Variants in PDE8A observed in about 807,000 individuals in gnomAD.
PDE8A encodes the protein high affinity cAMP-specific and IBMX-insensitive 3',5'-cyclic phosphodiesterase 8A.
In PDE8A, 59 loss-of-function variants were observed where a neutral mutation model predicts 105.0. The observed-to-expected ratio is 0.56, with a 90% CI of 0.46 to 0.70. The LOEUF (loss-of-function observed/expected upper bound fraction) is 0.70, where lower values mean the gene tolerates loss of function less well. Among genes scored for constraint, PDE8A ranks in the 30% least tolerant of loss-of-function variants. The pLI, the probability that PDE8A is intolerant of heterozygous loss-of-function variation, is 0.00. For synonymous variants in PDE8A, 355 were observed against 371.9 expected, an observed-to-expected ratio of 0.95 and a Z score of 0.52; for missense variants, 1,014 against 1,045.9, an observed-to-expected ratio of 0.97 and a Z score of 0.42.
At position 85,067,078 on chromosome 15, in the gene PDE8A, C is replaced by G; in HGVS notation, c.308C>G (p.Ala103Gly). 6.2e-7 allele frequency: 1 copy of G among 1,613,418 alleles called. No homozygotes were observed. The highest frequency in any genetic ancestry group is 8.5e-7 in the Non-Finnish European group (1 of 1,179,506). Residue 103 changes from alanine (A) to glycine (G), a missense_variant, in exon 3 of 22, where the codon GCA becomes GGA. Ala to Gly is a moderately conservative substitution (Grantham distance 60). Transcript: ENST00000394553. ...GGATTCTGCAGGGCATGTGAAAAAG[C>G]AGGGTTTAAGTGTACAGTTACCAAG... ...CNGFCRACEKAGFKCTVTKEA... is the reference protein window; with the variant it reads ...CNGFCRACEKGGFKCTVTKEA...
chr15:85,074,149 C>G (rs181131285), intron 3 of PDE8A, among the ~76,000 whole-genome samples: 2 of 152,298 alleles, frequency 1.3e-5, no homozygotes, highest in Admixed American at 1.3e-4. Flanking sequence ...GAGCAACTTC[C>G]CTACCCCTGG....
chr15:85,036,571 G>A (rs1216589141), intron 1 of PDE8A, among the ~76,000 whole-genome samples: 2 of 152,162 alleles, frequency 1.3e-5, no homozygotes, highest in Non-Finnish European at 2.9e-5. Context: ...GCAGGATCCA[G>A]GTAGAATGTT....
chr15:85,037,046 C>T (rs2080718982), intron 1 of PDE8A, among the ~76,000 whole-genome samples: 1 of 151,666 alleles, frequency 6.6e-6, no homozygotes, highest in African/African-American at 2.4e-5. Context: ...GGTTGCAGTG[C>T]TCTTAAGATA....
chr15:85,040,370 T>TA (rs35955528), intron 1 of PDE8A, among the ~76,000 whole-genome samples: 2,742 of 103,626 alleles, frequency 0.026, 45 homozygotes, highest in African/African-American at 0.05. Context: ...ACCTCTTCTC[T>TA]AAAAAAAAAA....
At chr15:85,090,976 C>T (rs887459096) in intron 7 of PDE8A, 68 bp from the exon 8 acceptor site, 3 of 1,442,556 alleles carry the variant, frequency 2.1e-6, no homozygotes, top group Admixed American at 2.0e-5. Context: ...GGTCGAAGAC[C>T]TTTGATTGTC....
intron 1 of PDE8A, among the ~76,000 whole-genome samples, chr15:85,018,476 A>G (rs1393083841): frequency 2.0e-5 from 3 of 152,212 alleles, no homozygotes; most frequent in African/African-American, 7.2e-5. Context: ...TCTAGTATCC[A>G]TCTTAGGGGC....
At chr15:85,069,825 T>C (rs936956272) in intron 3 of PDE8A, among the ~76,000 whole-genome samples, 40 of 152,198 alleles carry the variant, frequency 2.6e-4, no homozygotes, top group Admixed American at 1.6e-3. Context: ...AGCTGTTTTC[T>C]ACCACGTCAT....
chr15:84,993,646 A>G (rs7359256), intron 1 of PDE8A, among the ~76,000 whole-genome samples: 47,433 of 151,670 alleles, frequency 0.31, 7,731 homozygotes, highest in Middle Eastern at 0.39. Flanking sequence ...TTGGGAGGAC[A>G]AGATGGGAGA....
intron 8 of PDE8A, among the ~76,000 whole-genome samples, chr15:85,092,340 T>TG (rs1174921374): frequency 6.6e-6 from 1 of 151,938 alleles, no homozygotes; most frequent in Non-Finnish European, 1.5e-5. Context: ...TTTTTTTTGT[T>TG]TTGTTTCGTT....
chr15:85,088,470 C>T (rs185142850), intron 6 of PDE8A, among the ~76,000 whole-genome samples: 2 of 152,314 alleles, frequency 1.3e-5, no homozygotes, highest in East Asian at 3.9e-4. Flanking sequence ...GCATAATATT[C>T]CATTGTATGG....
chr15:85,126,401 T>TAGAG lies in PDE8A; in HGVS notation c.2253+38_2253+41dup, dbSNP rs534070610. ...TAAGTTGCTGCCTCTTTTAAGTTTC[T>TAGAG]AGAGAGAGAGAGAGTTAAAACCCAT... On this transcript the variant is annotated intron_variant, in intron 20 of 21. Transcript: ENST00000394553. 1,281 of 1,475,800 alleles carry TAGAG rather than the reference T, an allele frequency of 8.7e-4. 4 individuals carry two copies. In the African/African-American group the frequency reaches 0.011, roughly 12 times the overall value. 91.4% of individuals were successfully genotyped at this position (1,475,800 alleles called of 1,614,324 possible). A position where few individuals can be genotyped will look rare whatever the true frequency, so the allele number is the denominator to read the frequency against.
chr15:85,011,213 A>C (rs946773840), intron 1 of PDE8A, among the ~76,000 whole-genome samples: 1 of 152,250 alleles, frequency 6.6e-6, no homozygotes, highest in Non-Finnish European at 1.5e-5. Flanking sequence ...TGACAGAATT[A>C]AGCCAAAAGC....
intron 7 of PDE8A, among the ~76,000 whole-genome samples, chr15:85,089,696 T>A (rs1314442686): frequency 6.6e-6 from 1 of 152,166 alleles, no homozygotes; most frequent in Non-Finnish European, 1.5e-5. Context: ...AAGGAGAGAC[T>A]CACTGAAAAG....
In PDE8A at chr15:85,090,030, G is replaced by A. The variant is rs143026879; in HGVS notation, c.714+614G>A. Among the ~76,000 whole-genome samples the A allele has an allele frequency of 2.8e-4, 43 of 152,304 alleles. 1 individual carries two copies. Among genetic ancestry groups the A allele is most frequent in the African/African-American group, 1.0e-3 (42 of 41,570 alleles). On this transcript the variant is annotated intron_variant, in intron 7 of 21. Transcript: ENST00000394553. ...ATTAGCTCCACTTTGGAGCTCTCCAGTCTTTCTTACTTCTGGGCTCTCCAG... is the reference window on the plus strand; with the variant it reads ...ATTAGCTCCACTTTGGAGCTCTCCAATCTTTCTTACTTCTGGGCTCTCCAG...
intron 20 of PDE8A, among the ~76,000 whole-genome samples, chr15:85,127,351 T>C (rs1195023934): frequency 2.0e-5 from 3 of 152,112 alleles, no homozygotes; most frequent in Non-Finnish European, 4.4e-5. Context: ...GAGAGAGAGG[T>C]TTAAAGAACA....
chr15:85,119,233 CT>C (rs2082141958), intron 17 of PDE8A, among the ~76,000 whole-genome samples: 1 of 151,954 alleles, frequency 6.6e-6, no homozygotes, highest in African/African-American at 2.4e-5. Flanking sequence ...AATCCCAGTA[CT>C]TTGGGATACC....
At chr15:85,051,379 C>T (rs530093208) in intron 1 of PDE8A, among the ~76,000 whole-genome samples, 2 of 152,244 alleles carry the variant, frequency 1.3e-5, no homozygotes, top group Admixed American at 6.5e-5. Flanking sequence ...TGTTCCTGAT[C>T]TTAGAGGAAA....
chr15:85,040,551 T>G (rs1053247301), intron 1 of PDE8A, among the ~76,000 whole-genome samples: 5 of 146,530 alleles, frequency 3.4e-5, no homozygotes, highest in Non-Finnish European at 5.9e-5. Context: ...TATATTGTTA[T>G]GTGCTTATGT....
At chr15:85,133,983 T>G (rs990720560) in intron 20 of PDE8A, among the ~76,000 whole-genome samples, 5 of 152,164 alleles carry the variant, frequency 3.3e-5, no homozygotes, top group Non-Finnish European at 5.9e-5. Flanking sequence ...GTGAAACTTG[T>G]AGACCCTGCC....
Sources: allele counts gnomAD v4.1 joint callset (sites outside exome capture counted in the v4.1 genomes callset), GRCh38; gene constraint gnomAD v4.1.1; transcripts MANE v1.5; gene names NCBI Gene and HGNC (gene_info 2026-07-23, HGNC 2026-07-21).